CNTNAP5: variants seen among roughly 807,000 people sequenced by gnomAD.
CNTNAP5 encodes the protein contactin associated protein family member 5, also known as contactin-associated protein-like 5.
Under a neutral mutation model 150.2 loss-of-function variants are expected in CNTNAP5, and 72 were observed. That is an observed-to-expected ratio of 0.48 (90% CI 0.40 to 0.58). The LOEUF (loss-of-function observed/expected upper bound fraction) is 0.58. Ranked by LOEUF, CNTNAP5 falls within the 20% of genes least tolerant of loss-of-function variation. CNTNAP5 has a pLI of 0.00. For synonymous variants in CNTNAP5, 672 were observed against 619.8 expected, an observed-to-expected ratio of 1.08 and a Z score of -1.25; for missense variants, 1,636 against 1,626.2, an observed-to-expected ratio of 1.01 and a Z score of -0.10.
intron 1 of CNTNAP5, among the ~76,000 whole-genome samples, chr2:124,161,829 A>T (rs1684687210): frequency 6.6e-6 from 1 of 152,226 alleles, no homozygotes; most frequent in Non-Finnish European, 1.5e-5. Flanking sequence ...GATCTTGATG[A>T]TTAAAATTTA....
intron 1 of CNTNAP5, among the ~76,000 whole-genome samples, chr2:124,162,135 G>A (rs1198998958): frequency 6.6e-6 from 1 of 152,070 alleles, no homozygotes; most frequent in Non-Finnish European, 1.5e-5. Context: ...CTGTAAAAAT[G>A]CCACAAGGTA....
intron 6 of CNTNAP5, among the ~76,000 whole-genome samples, chr2:124,458,245 T>C (rs1448796205): frequency 6.8e-6 from 1 of 146,198 alleles, no homozygotes; most frequent in Admixed American, 7.0e-5. Context: ...TTATATATAA[T>C]ATAAAATATA....
At chr2:124,630,297 T>C (rs556868421) in intron 12 of CNTNAP5, among the ~76,000 whole-genome samples, 5 of 152,276 alleles carry the variant, frequency 3.3e-5, no homozygotes, top group African/African-American at 1.2e-4. Context: ...CCAATATCCC[T>C]GATGAACATT....
chr2:124,128,412 A>G (rs1683765838), intron 1 of CNTNAP5, among the ~76,000 whole-genome samples: 1 of 152,116 alleles, frequency 6.6e-6, no homozygotes, highest in African/African-American at 2.4e-5. Flanking sequence ...TCAGGAAAGA[A>G]CAATGCTGGA....
intron 13 of CNTNAP5, among the ~76,000 whole-genome samples, chr2:124,706,836 G>A (rs1181056925): frequency 0.058 from 177 of 3,076 alleles, 20 homozygotes; most frequent in African/African-American, 0.078. Context: ...AAGAGGAGGA[G>A]GGGGAGGAAG....
At chr2:124,564,022 T>G (rs1695952440) in intron 11 of CNTNAP5, among the ~76,000 whole-genome samples, 1 of 152,200 alleles carries the variant, frequency 6.6e-6, no homozygotes, top group South Asian at 2.1e-4. Context: ...TGAAAAGTGC[T>G]AATGACTGCC....
At chr2:124,034,882 G>C (rs1307698863) in intron 1 of CNTNAP5, among the ~76,000 whole-genome samples, 2 of 152,132 alleles carry the variant, frequency 1.3e-5, no homozygotes, top group Admixed American at 1.3e-4. Flanking sequence ...ACTGAAGTCT[G>C]TTTCTGGTGA....
chr2:124,258,465 T>A (rs1180552483), intron 3 of CNTNAP5, among the ~76,000 whole-genome samples: 2 of 152,168 alleles, frequency 1.3e-5, no homozygotes, highest in African/African-American at 2.4e-5. Flanking sequence ...GTAAAAGAGC[T>A]GGACAAATGC....
chr2:124,674,689 T>C (rs1678901759), intron 13 of CNTNAP5, among the ~76,000 whole-genome samples: 1 of 151,800 alleles, frequency 6.6e-6, no homozygotes, highest in African/African-American at 2.4e-5. Context: ...TCTGCTTTTG[T>C]TCTCTTTTGT....
At chr2:124,624,409 A>T (rs1235922794) in intron 12 of CNTNAP5, among the ~76,000 whole-genome samples, 1 of 151,934 alleles carries the variant, frequency 6.6e-6, no homozygotes. Context: ...TTACTAACTT[A>T]TTTGCTGCTT....
chr2:124,349,529 CT>C (rs1689821626), intron 3 of CNTNAP5, among the ~76,000 whole-genome samples: 1 of 152,076 alleles, frequency 6.6e-6, no homozygotes, highest in Non-Finnish European at 1.5e-5. Context: ...TTTTCCAGTG[CT>C]TTCTTTTACA....
chr2:124,484,730 T>C (rs925465548), intron 7 of CNTNAP5, among the ~76,000 whole-genome samples: 7 of 152,106 alleles, frequency 4.6e-5, no homozygotes, highest in Non-Finnish European at 1.0e-4. Context: ...AGGTTATAGA[T>C]CAGTGATTAT....
intron 19 of CNTNAP5, among the ~76,000 whole-genome samples, chr2:124,808,851 T>C (rs1337842300): frequency 6.6e-6 from 1 of 152,012 alleles, no homozygotes; most frequent in Non-Finnish European, 1.5e-5. Flanking sequence ...GAACCAAAGA[T>C]TGTCCAAAGC....
At chr2:124,528,624 T>C (rs1199882800) in intron 10 of CNTNAP5, among the ~76,000 whole-genome samples, 1 of 152,208 alleles carries the variant, frequency 6.6e-6, no homozygotes, top group African/African-American at 2.4e-5. Flanking sequence ...TTCAATAATA[T>C]ATAGCTCAGT....
intron 13 of CNTNAP5, among the ~76,000 whole-genome samples, chr2:124,677,558 C>A (rs1166600537): frequency 6.6e-6 from 1 of 152,154 alleles, no homozygotes; most frequent in East Asian, 1.9e-4. Context: ...TGTTTACAAA[C>A]CTTTAGCTAG....
At chr2:124,656,547 T>C (rs1678461890) in intron 13 of CNTNAP5, among the ~76,000 whole-genome samples, 1 of 152,142 alleles carries the variant, frequency 6.6e-6, no homozygotes, top group Admixed American at 6.5e-5. Context: ...AAATTAGAAG[T>C]GGGTGGGTCT....
chr2:124,842,914 T>A (rs576351634), intron 19 of CNTNAP5, among the ~76,000 whole-genome samples: 9 of 152,158 alleles, frequency 5.9e-5, no homozygotes, highest in Admixed American at 3.3e-4. Context: ...ATTTTTTTTT[T>A]AATTTCAGTA....
At chr2:124,251,043 G>C (rs1012206156) in intron 3 of CNTNAP5, among the ~76,000 whole-genome samples, 2 of 152,108 alleles carry the variant, frequency 1.3e-5, no homozygotes, top group African/African-American at 4.8e-5. Flanking sequence ...AGCAGGCGTT[G>C]CTCTTGTGTT....
intron 19 of CNTNAP5, among the ~76,000 whole-genome samples, chr2:124,839,236 T>C (rs1316495189): frequency 6.6e-6 from 1 of 151,928 alleles, no homozygotes; most frequent in Non-Finnish European, 1.5e-5. Flanking sequence ...GTCTGGCTGG[T>C]ATAAAGGGGA....
Sources: gnomAD v4.1 joint callset for allele counts (sites outside exome capture counted in the v4.1 genomes callset) on GRCh38, gnomAD v4.1.1 for gene constraint, MANE v1.5 for transcripts, NCBI Gene and HGNC (gene_info 2026-07-23, HGNC 2026-07-21) for gene names.